Variants in SYNE2 observed in about 807,000 individuals in gnomAD.
The protein encoded by SYNE2 is spectrin repeat containing nuclear envelope protein 2.
SYNE2 carries 431 observed loss-of-function variants against 856.3 expected under a neutral mutation model. The ratio of observed to expected loss-of-function variants is 0.50; its 90% CI spans 0.47 to 0.55. The LOEUF (loss-of-function observed/expected upper bound fraction) is 0.55, where lower values mean the gene tolerates loss of function less well. Ranked by LOEUF, SYNE2 falls within the 20% of genes least tolerant of loss-of-function variation. The probability of loss-of-function intolerance (pLI) is 0.00; values close to 1 mark genes in which losing one functional copy is unlikely to be tolerated. For missense variants in SYNE2, 8,129 were observed against 8,023.2 expected (o/e 1.01, Z -0.50); for synonymous variants, 2,923 against 2,872.3 (o/e 1.02, Z -0.56).
At chr14:64,004,364 T>C (rs1426274425) in intron 30 of SYNE2, among the ~76,000 whole-genome samples, 1 of 151,926 alleles carries the variant, frequency 6.6e-6, no homozygotes, top group Non-Finnish European at 1.5e-5. Context: ...AGAGTCTTGC[T>C]CTGTTGCCCA....
intron 111 of SYNE2, 161 bp from the exon 112 acceptor site, chr14:64,221,415 T>C (rs1313984121): frequency 2.3e-6 from 3 of 1,304,308 alleles, no homozygotes; most frequent in African/African-American, 1.5e-5. Context: ...CTTCCTCATT[T>C]TGGGGCCCTG....
At chr14:64,134,585 C>T (rs773907875) in intron 78 of SYNE2, among the ~76,000 whole-genome samples, 4 of 152,178 alleles carry the variant, frequency 2.6e-5, no homozygotes, top group Non-Finnish European at 4.4e-5. Flanking sequence ...TGTCAGCCTT[C>T]GGCCTCTAAA....
intron 1 of SYNE2, among the ~76,000 whole-genome samples, chr14:63,773,292 C>T (rs144992138): frequency 7.4e-4 from 112 of 152,156 alleles, no homozygotes; most frequent in African/African-American, 2.5e-3. Context: ...CTCAACCACC[C>T]GGGCTCAAAC....
At chr14:63,824,908 C>T (rs965018559) in intron 1 of SYNE2, among the ~76,000 whole-genome samples, 9 of 151,638 alleles carry the variant, frequency 5.9e-5, no homozygotes, top group African/African-American at 1.9e-4. Context: ...CCAAGGTGGG[C>T]GGATCGCGAG....
chr14:63,935,378 T>A (rs977781780), intron 2 of SYNE2, among the ~76,000 whole-genome samples: 3 of 152,226 alleles, frequency 2.0e-5, no homozygotes, highest in Admixed American at 2.0e-4. Context: ...TGGTGCATCT[T>A]TAATCTCTAA....
chr14:64,074,965 T>G (rs2097446039), intron 53 of SYNE2, among the ~76,000 whole-genome samples: 1 of 152,128 alleles, frequency 6.6e-6, no homozygotes, highest in Admixed American at 6.5e-5. Context: ...TGGGGAAGCC[T>G]TCTAAGTGTA....
At position 64,113,498 on chromosome 14, in the gene SYNE2, A is replaced by T; in HGVS notation, c.12767A>T (p.Asn4256Ile). 1 of 1,614,178 alleles carries T rather than the reference A, an allele frequency of 6.2e-7. No individual in the cohort carries two copies. Among genetic ancestry groups the T allele is most frequent in the Non-Finnish European group, 8.5e-7 (1 of 1,180,016 alleles). The change falls in exon 66 of 116, where the codon AAC becomes ATC. Residue 4256 changes from asparagine to isoleucine, a missense_variant. By Grantham distance (149) the Asn-to-Ile change is moderately radical. Coordinates refer to ENST00000555002, the MANE Select transcript of SYNE2 (RefSeq NM_182914.3). ...CTGGAGCTGTGGCTGCAACAAGCCAACGTGGCAGTTGAGCCGGAAACATTA... is the reference window on the plus strand; with the variant it reads ...CTGGAGCTGTGGCTGCAACAAGCCATCGTGGCAGTTGAGCCGGAAACATTA... Reference protein sequence around the residue: ...AELELWLQQANVAVEPETLNA... With the variant: ...AELELWLQQAIVAVEPETLNA...
chr14:63,858,310 C>T (rs1892481092), intron 1 of SYNE2, among the ~76,000 whole-genome samples: 1 of 105,134 alleles, frequency 9.5e-6, no homozygotes, highest in Non-Finnish European at 1.8e-5. Context: ...TTAGTAGAGA[C>T]AGGGTTTCAC....
chr14:64,188,851 C>A, intron 98 of SYNE2, 143 bp downstream of exon 98: 1 of 862,154 alleles, frequency 1.2e-6, no homozygotes, highest in Non-Finnish European at 1.9e-6. Context: ...TATTTTCGAT[C>A]CTTTTGAGAG....
intron 10 of SYNE2, 132 bp from the exon 11 acceptor site, chr14:63,967,577 C>G (rs1416251197): frequency 2.3e-6 from 2 of 862,424 alleles, no homozygotes. Flanking sequence ...AGAGAGGATA[C>G]TGGATTCAGG....
At chr14:64,224,569 TGA>T (rs1294263394) in intron 114 of SYNE2, 22 bp downstream of exon 114, 2 of 1,613,266 alleles carry the variant, frequency 1.2e-6, no homozygotes, top group African/African-American at 2.7e-5. Flanking sequence ...CTTCCTTCTG[TGA>T]GAACCTCACT....
At chr14:63,903,586 C>T (rs2095366439) in intron 1 of SYNE2, among the ~76,000 whole-genome samples, 1 of 152,138 alleles carries the variant, frequency 6.6e-6, no homozygotes, top group Admixed American at 6.5e-5. Context: ...ACCTCAGACT[C>T]CTGGGTAGCT....
chr14:63,805,410 T>C (rs1232017242), intron 1 of SYNE2, among the ~76,000 whole-genome samples: 1 of 152,198 alleles, frequency 6.6e-6, no homozygotes, highest in East Asian at 1.9e-4. Flanking sequence ...TGTTTTGTAA[T>C]TCTCTTCACC....
intron 113 of SYNE2, among the ~76,000 whole-genome samples, chr14:64,224,244 A>G (rs1014536065): frequency 6.7e-6 from 1 of 150,266 alleles, no homozygotes; most frequent in Non-Finnish European, 1.5e-5. Flanking sequence ...AGTTCCAGCT[A>G]CTCAGGAGGC....
At chr14:64,101,566 C>G (rs2097729909) in intron 63 of SYNE2, among the ~76,000 whole-genome samples, 1 of 152,152 alleles carries the variant, frequency 6.6e-6, no homozygotes. Context: ...CTTCAGCCTC[C>G]CAAAGGGCTG....
chr14:63,948,166 T>TACACACACACACACACAC (rs59063086), intron 6 of SYNE2, among the ~76,000 whole-genome samples: 1 of 147,252 alleles, frequency 6.8e-6, no homozygotes, highest in East Asian at 2.0e-4. Flanking sequence ...GACACACACA[T>TACACACACACACACACAC]ACACACACAC....
In SYNE2 at chr14:64,225,344, C is replaced by A. The variant is rs201472187; in HGVS notation, c.20542C>A (p.Arg6848Ser). 1 of 1,614,110 alleles carries A rather than the reference C, an allele frequency of 6.2e-7. No homozygotes were observed. Among genetic ancestry groups the A allele is most frequent in the Admixed American group, 1.7e-5 (1 of 60,032 alleles). ...SRVPGSTRPQ[R>S]SFLSRVVRAA... is the part of the protein sequence containing the mutation. ...GGTCCCCGGCAGCACACGGCCACAG[C>A]GCTCCTTCCTCTCAAGGGTGGTCCG... is the stretch of plus-strand genomic sequence containing the variant. The change falls in exon 116 of 116, where the codon CGC becomes AGC. Residue 6848 changes from arginine to serine, a missense_variant. Transcript: ENST00000555002.
At chr14:64,188,793 T>C (rs1456435508) in intron 98 of SYNE2, 85 bp downstream of exon 98, 6 of 1,376,972 alleles carry the variant, frequency 4.4e-6, no homozygotes, top group South Asian at 3.5e-5. Flanking sequence ...ACAGGGGCAA[T>C]GTTACGGGTG....
At position 64,159,382 on chromosome 14, in the gene SYNE2, A is replaced by G; in HGVS notation, c.16034A>G (p.Lys5345Arg). The change falls in exon 87 of 116, where the codon AAA becomes AGA. Residue 5345 changes from lysine (K) to arginine (R), a missense_variant. Around this residue, in one of 3 missense-constraint regions of SYNE2, gnomAD observed 5,410 missense variants for 5,284.8 expected, o/e 1.02. Transcript: ENST00000555002. ...CTCCAGGAGGTTATCGGCAAACTCAAAGGTCTCTGCCCCTCTGTTGCTGAA... is the reference window on the plus strand; with the variant it reads ...CTCCAGGAGGTTATCGGCAAACTCAGAGGTCTCTGCCCCTCTGTTGCTGAA... ...EKLQEVIGKL[K>R]GLCPSVAEII... 4.3e-6 allele frequency: 7 copies of G among 1,614,024 alleles called. No individual in the cohort carries two copies. The highest frequency in any genetic ancestry group is 5.9e-6 in the Non-Finnish European group (7 of 1,179,912).
Sources: gnomAD v4.1 joint callset for allele counts (sites outside exome capture counted in the v4.1 genomes callset) on GRCh38, gnomAD v4.1.1 for gene constraint, gnomAD v4.1.1 regional missense constraint, MANE v1.5 for transcripts, NCBI Gene and HGNC (gene_info 2026-07-23, HGNC 2026-07-21) for gene names.